Variants in EML4 observed in about 807,000 individuals in gnomAD.
EML4 encodes EMAP like 4, also known as echinoderm microtubule-associated protein-like 4.
Under a neutral mutation model 129.0 loss-of-function variants are expected in EML4, and 72 were observed. That is an observed-to-expected ratio of 0.56 (90% CI 0.46 to 0.68). The LOEUF is 0.68. EML4 is among the 30% of genes least tolerant of loss of function. The pLI is 0.00. For missense variants in EML4, 1,363 were observed against 1,190.6 expected (o/e 1.14, Z -2.13); for synonymous variants, 532 against 405.0 (o/e 1.31, Z -3.77).
chr2:42,200,464 A>G (rs2103957301), intron 1 of EML4, among the ~76,000 whole-genome samples: 1 of 152,362 alleles, frequency 6.6e-6, no homozygotes, highest in South Asian at 2.1e-4. Context: ...GCTTTTATGG[A>G]CAAATGTTAA....
chr2:42,191,985 C>A (rs1009343054), intron 1 of EML4, among the ~76,000 whole-genome samples: 1 of 151,880 alleles, frequency 6.6e-6, no homozygotes. Flanking sequence ...ACTAAAAATA[C>A]AAAATTAACC....
intron 1 of EML4, among the ~76,000 whole-genome samples, chr2:42,239,957 C>G (rs1326430644): frequency 6.6e-6 from 1 of 152,032 alleles, no homozygotes; most frequent in East Asian, 1.9e-4. Context: ...ATGGAAAGAA[C>G]AAGAGCAATG....
intron 11 of EML4, among the ~76,000 whole-genome samples, chr2:42,291,299 A>G (rs761511486): frequency 1.3e-5 from 2 of 152,222 alleles, no homozygotes; most frequent in African/African-American, 4.8e-5. Flanking sequence ...AAGAAAATAC[A>G]GAACACCTTT....
intron 18 of EML4, among the ~76,000 whole-genome samples, chr2:42,316,354 G>A (rs1242501782): frequency 6.6e-6 from 1 of 152,180 alleles, no homozygotes; most frequent in Admixed American, 6.5e-5. Flanking sequence ...TTTTGAATAG[G>A]TATTAGGCTA....
At chr2:42,297,128 C>T (rs527885559) in intron 13 of EML4, among the ~76,000 whole-genome samples, 1 of 152,256 alleles carries the variant, frequency 6.6e-6, no homozygotes, top group East Asian at 1.9e-4. Flanking sequence ...AATTTACACA[C>T]GAGAAGAATG....
Position 42,201,634 on chromosome 2 carries a change from C to A in EML4, c.25+31998C>A, listed in dbSNP as rs148847277. On this transcript the variant is annotated intron_variant, in intron 1 of 22. Transcript: ENST00000318522. ...TCAGTAGATGAACAGATAAGAAAAA[C>A]GTACTCAGCCTTGGAAAGGGGGAAA... Among the ~76,000 whole-genome samples, 958 of 152,152 alleles carry A rather than the reference C, an allele frequency of 6.3e-3. 15 individuals are homozygous for A. Among genetic ancestry groups the A allele is most frequent in the African/African-American group, 0.022 (920 of 41,508 alleles).
intron 11 of EML4, among the ~76,000 whole-genome samples, chr2:42,291,810 A>C (rs922366519): frequency 1.3e-5 from 2 of 152,242 alleles, no homozygotes; most frequent in African/African-American, 4.8e-5. Flanking sequence ...TAAGAAAAAG[A>C]CAGTTTTTTA....
chr2:42,265,022 T>G lies in EML4; in HGVS notation c.667+291T>G. On this transcript the variant is annotated intron_variant, in intron 6 of 22. Coordinates refer to ENST00000318522, the MANE Select transcript of EML4 (RefSeq NM_019063.5). ...CCTGGATCTCTTATTTGGCTTTTTA[T>G]TATTTATGCTGCCTGACTTTCTTCC... The G allele has an allele frequency of 6.8e-6, 9 of 1,332,186 alleles. No homozygotes were observed. In the South Asian group the frequency reaches 1.2e-4, roughly 17 times the overall value. The allele number at this position is 1,332,186 out of a possible 1,614,324, so 82.5% of individuals were successfully genotyped here.
chr2:42,312,327 C>T (rs571423781), intron 17 of EML4, among the ~76,000 whole-genome samples: 4 of 152,138 alleles, frequency 2.6e-5, no homozygotes, highest in South Asian at 2.1e-4. Flanking sequence ...TGGTTCAGGC[C>T]GTAACAGGAA....
intron 1 of EML4, among the ~76,000 whole-genome samples, chr2:42,233,117 C>T (rs1005125266): frequency 1.3e-5 from 2 of 152,142 alleles, no homozygotes; most frequent in Admixed American, 6.6e-5. Context: ...AGATCAATCT[C>T]TTCATGTTCA....
At chr2:42,258,011 G>T (rs185219572) in intron 3 of EML4, among the ~76,000 whole-genome samples, 26 of 152,118 alleles carry the variant, frequency 1.7e-4, no homozygotes, top group Non-Finnish European at 2.2e-4. Flanking sequence ...ATAAATTTCC[G>T]TGTTGTATCC....
chr2:42,300,607 C>T (rs1668229651), intron 13 of EML4, among the ~76,000 whole-genome samples: 1 of 152,174 alleles, frequency 6.6e-6, no homozygotes, highest in Admixed American at 6.5e-5. Context: ...CCATTGCCTA[C>T]CTTTGTCCCA....
chr2:42,190,019 G>A (rs7570460), intron 1 of EML4, among the ~76,000 whole-genome samples: 4,272 of 151,530 alleles, frequency 0.028, 187 homozygotes, highest in African/African-American at 0.098. Context: ...TTAGGTGATG[G>A]TGTTTTACAA....
intron 6 of EML4, among the ~76,000 whole-genome samples, chr2:42,278,367 A>C (rs2104450496): frequency 6.6e-6 from 1 of 152,076 alleles, no homozygotes; most frequent in Admixed American, 6.5e-5. Flanking sequence ...TGAAGTCGGA[A>C]GTTTGAGACC....
chr2:42,272,347 T>C (rs541690791), intron 6 of EML4, among the ~76,000 whole-genome samples: 6 of 152,186 alleles, frequency 3.9e-5, no homozygotes, highest in Non-Finnish European at 8.8e-5. Context: ...TGTTTTCCTT[T>C]AATAATGCTT....
At chr2:42,212,795 A>T (rs1472547553) in intron 1 of EML4, among the ~76,000 whole-genome samples, 1 of 152,212 alleles carries the variant, frequency 6.6e-6, no homozygotes, top group African/African-American at 2.4e-5. Flanking sequence ...GCATGAGAAT[A>T]TAAAAGTATA....
Position 42,296,259 on chromosome 2 carries a change from AAG to A in EML4, c.1489+751_1489+752del, listed in dbSNP as rs535175369. ...GGTTCTAAAACCAGTGGGCCAGGAG[AAG>A]AGAGAGATTCTTAGCAGCAACAGGT... On this transcript the variant is annotated intron_variant, in intron 13 of 22. Transcript: ENST00000318522. Among the ~76,000 whole-genome samples, 708 of 152,218 alleles carry A rather than the reference AAG, an allele frequency of 4.7e-3. 3 individuals carry two copies. Among genetic ancestry groups the A allele is most frequent in the Admixed American group, 8.4e-3 (129 of 15,280 alleles).
chr2:42,271,074 A>G (rs1023573110), intron 6 of EML4, among the ~76,000 whole-genome samples: 1 of 151,842 alleles, frequency 6.6e-6, no homozygotes, highest in Admixed American at 6.6e-5. Context: ...TTATATTTTT[A>G]GTAGAGACAA....
At chr2:42,187,144 A>G (rs925130139) in intron 1 of EML4, among the ~76,000 whole-genome samples, 2 of 151,752 alleles carry the variant, frequency 1.3e-5, no homozygotes, top group Non-Finnish European at 2.9e-5. Flanking sequence ...CCTGGGCTCA[A>G]GTAATCCTCT....
Sources: gnomAD v4.1 joint callset for allele counts (sites outside exome capture counted in the v4.1 genomes callset) on GRCh38, gnomAD v4.1.1 for gene constraint, MANE v1.5 for transcripts, NCBI Gene and HGNC (gene_info 2026-07-23, HGNC 2026-07-21) for gene names.